The following HS3ST5 variants were observed in gnomAD, a reference collection of about 807,000 sequenced individuals.
The protein encoded by HS3ST5 is heparan sulfate glucosamine 3-O-sulfotransferase 5.
A neutral mutation model predicts 25.4 loss-of-function variants in HS3ST5; 10 were observed. The observed-to-expected ratio is 0.39, with a 90% confidence interval of 0.24 to 0.67. The LOEUF (loss-of-function observed/expected upper bound fraction) is 0.67, where lower values mean the gene tolerates loss of function less well. Among genes scored for constraint, HS3ST5 ranks in the 30% least tolerant of loss-of-function variants. The pLI, the probability that HS3ST5 is intolerant of heterozygous loss-of-function variation, is 0.44. For synonymous variants in HS3ST5, 170 were observed against 162.4 expected, an observed-to-expected ratio of 1.05 and a Z score of -0.36; for missense variants, 324 against 420.7, an observed-to-expected ratio of 0.77 and a Z score of 2.01.
At chr6:114,316,325 C>T (rs540158236) in intron 1 of HS3ST5, among the ~76,000 whole-genome samples, 12 of 152,232 alleles carry the variant, frequency 7.9e-5, no homozygotes, top group African/African-American at 2.6e-4. Flanking sequence ...ATATCACTAC[C>T]GGTTGCAATA....
intron 1 of HS3ST5, among the ~76,000 whole-genome samples, chr6:114,253,886 G>C (rs1772779676): frequency 6.6e-6 from 1 of 152,112 alleles, no homozygotes; most frequent in South Asian, 2.1e-4. Context: ...ATATGGCAAG[G>C]TGAAAAACAG....
intron 1 of HS3ST5, among the ~76,000 whole-genome samples, chr6:114,272,937 G>C (rs1229033590): frequency 6.6e-6 from 1 of 152,014 alleles, no homozygotes; most frequent in Non-Finnish European, 1.5e-5. Flanking sequence ...TACGAGAGAG[G>C]GGGAAGGAAT....
chr6:114,181,782 A>G (rs761223264), intron 2 of HS3ST5, among the ~76,000 whole-genome samples: 1 of 152,194 alleles, frequency 6.6e-6, no homozygotes, highest in African/African-American at 2.4e-5. Context: ...CTGCAGCAGT[A>G]TGAACCTTTT....
At chr6:114,319,268 T>C (rs781566834) in intron 1 of HS3ST5, among the ~76,000 whole-genome samples, 2 of 152,170 alleles carry the variant, frequency 1.3e-5, no homozygotes, top group South Asian at 2.1e-4. Context: ...TACACAACTT[T>C]ATGATTTAGA....
intron 3 of HS3ST5, among the ~76,000 whole-genome samples, chr6:114,079,545 T>A (rs867583204): frequency 2.0e-5 from 3 of 152,328 alleles, no homozygotes; most frequent in Non-Finnish European, 1.5e-5. Context: ...TGCAGTTACT[T>A]CCTCCACTGA....
intron 3 of HS3ST5, among the ~76,000 whole-genome samples, chr6:114,112,676 G>A (rs921374413): frequency 1.3e-5 from 2 of 152,010 alleles, no homozygotes; most frequent in Admixed American, 1.3e-4. Context: ...TGTCAAAATT[G>A]GCCTCTTGAC....
chr6:114,163,129 T>C (rs1453427717), intron 3 of HS3ST5, among the ~76,000 whole-genome samples: 2 of 152,192 alleles, frequency 1.3e-5, no homozygotes, highest in African/African-American at 4.8e-5. Context: ...CTTGTGGTAT[T>C]TCAGAGCAGC....
chr6:114,074,845 T>A (rs1774026184), intron 3 of HS3ST5, among the ~76,000 whole-genome samples: 1 of 152,182 alleles, frequency 6.6e-6, no homozygotes, highest in Non-Finnish European at 1.5e-5. Context: ...AAAATGATAC[T>A]AAAAGTCTCC....
chr6:114,265,310 T>G (rs1032661605), intron 1 of HS3ST5, among the ~76,000 whole-genome samples: 1 of 152,110 alleles, frequency 6.6e-6, no homozygotes, highest in Admixed American at 6.5e-5. Flanking sequence ...AACACGTGTG[T>G]GGGGTTTGGC....
chr6:114,154,082 T>C (rs1416160027), intron 3 of HS3ST5, among the ~76,000 whole-genome samples: 1 of 152,088 alleles, frequency 6.6e-6, no homozygotes, highest in Admixed American at 6.5e-5. Context: ...CAAATCCAGA[T>C]GCTGAAGGTT....
chr6:114,230,123 C>CTTTTTTTTTT (rs910225173), intron 1 of HS3ST5: 5 of 75,962 alleles, frequency 6.6e-5, no homozygotes, highest in East Asian at 3.8e-4. Flanking sequence ...TGGAACTTGC[C>CTTTTTTTTTT]TTTTTTTTTT....
In HS3ST5 at chr6:114,235,085, T is replaced by C. The variant is rs189496756; in HGVS notation, c.-338-6307A>G. On this transcript the variant is annotated intron_variant, in intron 1 of 4. Coordinates refer to ENST00000312719, the MANE Select transcript of HS3ST5 (RefSeq NM_153612.4). ...TTGCAGTGAGCTGAGACTGTGCCAC[T>C]GCACTCCAGCCTGGGCGACAGAGCA... 2.0e-4 allele frequency among the ~76,000 whole-genome samples: 30 copies of C among 152,258 alleles called. No individual in the cohort carries two copies. In the East Asian group the frequency reaches 5.8e-3, roughly 29 times the overall value.
chr6:114,082,771 C>A (rs1239952627), intron 3 of HS3ST5, among the ~76,000 whole-genome samples: 2 of 152,210 alleles, frequency 1.3e-5, no homozygotes, highest in African/African-American at 2.4e-5. Flanking sequence ...ACCTGCTCCA[C>A]CCTGACTCAT....
chr6:114,212,334 A>G (rs1335694247), intron 2 of HS3ST5, among the ~76,000 whole-genome samples: 1 of 152,176 alleles, frequency 6.6e-6, no homozygotes, highest in Admixed American at 6.5e-5. Context: ...CAGTTGGGAG[A>G]TGTATGGATA....
At chr6:114,104,503 T>C (rs1775896226) in intron 3 of HS3ST5, among the ~76,000 whole-genome samples, 1 of 152,194 alleles carries the variant, frequency 6.6e-6, no homozygotes, top group Non-Finnish European at 1.5e-5. Flanking sequence ...TTAGATCCTG[T>C]GGAATCCTAT....
At chr6:114,169,658 T>C (rs1779381536) in intron 2 of HS3ST5, among the ~76,000 whole-genome samples, 1 of 152,190 alleles carries the variant, frequency 6.6e-6, no homozygotes, top group African/African-American at 2.4e-5. Context: ...CCTCAACTAC[T>C]CTGTTTCTCA....
At chr6:114,307,094 T>C (rs1031786593) in intron 1 of HS3ST5, among the ~76,000 whole-genome samples, 2 of 152,180 alleles carry the variant, frequency 1.3e-5, no homozygotes, top group Admixed American at 6.5e-5. Flanking sequence ...AAATGTGGAT[T>C]TGGATTCCTT....
intron 3 of HS3ST5, among the ~76,000 whole-genome samples, chr6:114,140,253 A>G (rs1777835688): frequency 6.6e-6 from 1 of 152,230 alleles, no homozygotes; most frequent in African/African-American, 2.4e-5. Context: ...TTAGACTAGA[A>G]TTTCATAATG....
At chr6:114,232,298 A>G (rs1042247264) in intron 1 of HS3ST5, among the ~76,000 whole-genome samples, 1 of 152,154 alleles carries the variant, frequency 6.6e-6, no homozygotes, top group Non-Finnish European at 1.5e-5. Flanking sequence ...TCATTTGGTG[A>G]TGATTCTCAA....
Sources: allele counts gnomAD v4.1 joint callset (sites outside exome capture counted in the v4.1 genomes callset), GRCh38; gene constraint gnomAD v4.1.1; transcripts MANE v1.5; gene names NCBI Gene and HGNC (gene_info 2026-07-23, HGNC 2026-07-21).